The following FAF1 variants were observed in gnomAD, a reference collection of about 807,000 sequenced individuals.
FAF1 encodes FAS-associated factor 1.
FAF1 carries 25 observed loss-of-function variants against 92.5 expected under a neutral mutation model. The ratio of observed to expected loss-of-function variants is 0.27; its 90% CI spans 0.20 to 0.38. The LOEUF (loss-of-function observed/expected upper bound fraction) is 0.38, where lower values mean the gene tolerates loss of function less well. Ranked by LOEUF, FAF1 falls within the 10% of genes least tolerant of loss-of-function variation. The pLI is 1.00. For missense variants in FAF1, 636 were observed against 793.3 expected (o/e 0.80, Z 2.38); for synonymous variants, 234 against 273.2 (o/e 0.86, Z 1.42).
intron 12 of FAF1, among the ~76,000 whole-genome samples, chr1:50,580,425 C>T (rs1396254043): frequency 6.6e-6 from 1 of 151,780 alleles, no homozygotes; most frequent in Non-Finnish European, 1.5e-5. Flanking sequence ...TCCATTAAGA[C>T]TTTGAGATGC....
chr1:50,508,727 A>G (rs1647091931), intron 15 of FAF1, among the ~76,000 whole-genome samples: 1 of 152,182 alleles, frequency 6.6e-6, no homozygotes, highest in South Asian at 2.1e-4. Flanking sequence ...TTTGAGATGG[A>G]ATCTCATTCT....
intron 2 of FAF1, among the ~76,000 whole-genome samples, chr1:50,827,818 G>A (rs912311121): frequency 2.0e-5 from 3 of 151,852 alleles, no homozygotes; most frequent in African/African-American, 4.8e-5. Flanking sequence ...ACATAATTAC[G>A]ACAGAGAGCC....
chr1:50,536,262 G>A (rs1648475567), intron 14 of FAF1, among the ~76,000 whole-genome samples: 1 of 151,968 alleles, frequency 6.6e-6, no homozygotes, highest in South Asian at 2.1e-4. Context: ...TAGCACATAT[G>A]TGCCATTTCC....
intron 1 of FAF1, among the ~76,000 whole-genome samples, chr1:50,951,331 G>C (rs1645212567): frequency 6.6e-6 from 1 of 152,174 alleles, no homozygotes; most frequent in African/African-American, 2.4e-5. Context: ...GGGAAAACTG[G>C]TAAGCTTCAA....
At chr1:50,461,111 C>T (rs981893592) in intron 18 of FAF1, among the ~76,000 whole-genome samples, 3 of 152,164 alleles carry the variant, frequency 2.0e-5, no homozygotes, top group African/African-American at 7.2e-5. Flanking sequence ...TTTGTGGCAA[C>T]ATTATACAAT....
chr1:50,720,190 C>T lies in FAF1; in HGVS notation c.552-14299G>A, dbSNP rs145506765. On this transcript the variant is annotated intron_variant, in intron 6 of 18. Coordinates refer to ENST00000396153, the MANE Select transcript of FAF1 (RefSeq NM_007051.3). ...CTAATTTTTGTATTTTTAGTAGAGACGGGGGTTTGCCATGTTGGCCAGGCT... is the reference window on the plus strand; with the variant it reads ...CTAATTTTTGTATTTTTAGTAGAGATGGGGGTTTGCCATGTTGGCCAGGCT... 4.6e-5 allele frequency among the ~76,000 whole-genome samples: 7 copies of T among 152,110 alleles called. No individual in the cohort carries two copies. In the East Asian group the frequency reaches 9.7e-4, roughly 21 times the overall value.
intron 8 of FAF1, among the ~76,000 whole-genome samples, chr1:50,620,358 A>T (rs916189032): frequency 6.6e-6 from 1 of 152,196 alleles, no homozygotes; most frequent in Non-Finnish European, 1.5e-5. Flanking sequence ...TCTGTTGTTC[A>T]TACTTGTATT....
chr1:50,868,875 T>G (rs1035777978), intron 1 of FAF1, among the ~76,000 whole-genome samples: 5 of 152,210 alleles, frequency 3.3e-5, no homozygotes, highest in African/African-American at 1.2e-4. Context: ...TATCTGTTAT[T>G]GTGTGGAATT....
chr1:50,681,720 T>C (rs1379249194), intron 7 of FAF1, among the ~76,000 whole-genome samples: 1 of 151,118 alleles, frequency 6.6e-6, no homozygotes, highest in Non-Finnish European at 1.5e-5. Flanking sequence ...GGTTTCACCA[T>C]GTTGGACAGG....
chr1:50,565,572 G>GT (rs1382923590), intron 13 of FAF1, among the ~76,000 whole-genome samples: 2 of 151,994 alleles, frequency 1.3e-5, no homozygotes, highest in South Asian at 2.1e-4. Context: ...TATTACTAGT[G>GT]TATCAAAGTT....
intron 9 of FAF1, among the ~76,000 whole-genome samples, chr1:50,592,305 CCTT>C (rs1170234645): frequency 2.0e-5 from 3 of 152,010 alleles, no homozygotes; most frequent in Admixed American, 6.6e-5. Context: ...GATTTCTTCT[CCTT>C]CTTCACTGTC....
intron 1 of FAF1, among the ~76,000 whole-genome samples, chr1:50,933,885 T>C (rs1489478994): frequency 6.6e-6 from 1 of 152,168 alleles, no homozygotes; most frequent in Non-Finnish European, 1.5e-5. Context: ...AAACCCCTGA[T>C]AAACCCATCA....
At chr1:50,462,948 CA>C (rs1646450821) in intron 18 of FAF1, among the ~76,000 whole-genome samples, 1 of 152,158 alleles carries the variant, frequency 6.6e-6, no homozygotes, top group African/African-American at 2.4e-5. Context: ...GTTAACACAG[CA>C]GGACTGCTAC....
At chr1:50,744,577 C>G (rs1659513893) in intron 5 of FAF1, 107 bp downstream of exon 5, 1 of 713,748 alleles carries the variant, frequency 1.4e-6, no homozygotes, top group Admixed American at 2.6e-5. Context: ...ATTGCCAAAT[C>G]TACTACTGCC....
At chr1:50,836,516 G>A (rs1477396398) in intron 2 of FAF1, among the ~76,000 whole-genome samples, 2 of 152,090 alleles carry the variant, frequency 1.3e-5, no homozygotes, top group Non-Finnish European at 2.9e-5. Context: ...TTTATTCTTT[G>A]TGGAGATTTT....
intron 1 of FAF1, among the ~76,000 whole-genome samples, chr1:50,863,155 A>G (rs548899919): frequency 1.3e-5 from 2 of 152,144 alleles, no homozygotes; most frequent in South Asian, 4.1e-4. Context: ...TCAAAATTAT[A>G]TCAAGTATTC....
At chr1:50,738,479 T>A (rs1478924302) in intron 6 of FAF1, among the ~76,000 whole-genome samples, 2 of 152,052 alleles carry the variant, frequency 1.3e-5, no homozygotes, top group Non-Finnish European at 2.9e-5. Context: ...ATCAGTGTTT[T>A]TCAAGCTTTA....
At chr1:50,807,204 G>A (rs185014368) in intron 2 of FAF1, among the ~76,000 whole-genome samples, 25 of 152,370 alleles carry the variant, frequency 1.6e-4, no homozygotes, top group African/African-American at 5.8e-4. Context: ...GAATCTGATA[G>A]AGCTGAAAGA....
intron 4 of FAF1, among the ~76,000 whole-genome samples, chr1:50,750,525 C>G (rs910413855): frequency 2.0e-5 from 3 of 152,100 alleles, no homozygotes; most frequent in Admixed American, 1.3e-4. Flanking sequence ...AAAAGCCTGC[C>G]CCTACTCACA....
Sources: allele counts gnomAD v4.1 joint callset (sites outside exome capture counted in the v4.1 genomes callset), GRCh38; gene constraint gnomAD v4.1.1; transcripts MANE v1.5; gene names NCBI Gene and HGNC (gene_info 2026-07-23, HGNC 2026-07-21).